Variants in CERS6 observed in about 807,000 individuals in gnomAD.
The protein encoded by CERS6 is ceramide synthase 6.
In CERS6, 26 loss-of-function variants were observed where a neutral mutation model predicts 56.8. That is an observed-to-expected ratio of 0.46 (90% CI 0.34 to 0.63). The LOEUF is 0.63. CERS6 is among the 30% of genes least tolerant of loss of function. The pLI, the probability that CERS6 is intolerant of heterozygous loss-of-function variation, is 0.01. For missense variants in CERS6, 415 were observed against 467.5 expected, an observed-to-expected ratio of 0.89 and a Z score of 1.04; for synonymous variants, 164 against 173.3, an observed-to-expected ratio of 0.95 and a Z score of 0.42.
chr2:168,604,949 T>A (rs1684018868), intron 3 of CERS6, among the ~76,000 whole-genome samples: 2 of 152,316 alleles, frequency 1.3e-5, no homozygotes, highest in African/African-American at 4.8e-5. Context: ...ATATAAAAAA[T>A]ACCTGAAAAT....
intron 6 of CERS6, among the ~76,000 whole-genome samples, chr2:168,703,216 A>T (rs1026051729): frequency 8.5e-5 from 13 of 152,294 alleles, no homozygotes; most frequent in Admixed American, 7.2e-4. Context: ...GGAGACCAAA[A>T]TGTGTGAGAA....
intron 1 of CERS6, among the ~76,000 whole-genome samples, chr2:168,513,314 T>G (rs1417022534): frequency 6.6e-6 from 1 of 152,234 alleles, no homozygotes; most frequent in Non-Finnish European, 1.5e-5. Context: ...ATTAAATGAC[T>G]TTCATACTTT....
intron 4 of CERS6, among the ~76,000 whole-genome samples, chr2:168,689,450 A>G (rs1384278507): frequency 6.6e-6 from 1 of 152,204 alleles, no homozygotes; most frequent in Non-Finnish European, 1.5e-5. Flanking sequence ...GTTAATGGTG[A>G]TGAAAATTTA....
chr2:168,464,669 T>C (rs889221454), intron 1 of CERS6, among the ~76,000 whole-genome samples: 4 of 151,070 alleles, frequency 2.6e-5, no homozygotes, highest in Non-Finnish European at 4.4e-5. Context: ...AATGGGTCTT[T>C]ATGAGGGAAA....
At chr2:168,538,829 C>CT (rs1267843636) in intron 1 of CERS6, among the ~76,000 whole-genome samples, 12 of 152,064 alleles carry the variant, frequency 7.9e-5, no homozygotes, top group African/African-American at 2.9e-4. Flanking sequence ...GGCCTTTCTT[C>CT]TTTGTCTGAC....
intron 1 of CERS6, among the ~76,000 whole-genome samples, chr2:168,520,625 T>TTTTTTTTTTTTTTTTTTTTTTTTTA (rs1694961257): frequency 1.7e-5 from 2 of 120,956 alleles, no homozygotes; most frequent in African/African-American, 3.4e-5. Context: ...TTTTTTTTTT[T>TTTTTTTTTTTTTTTTTTTTTTTTTA]TTGAGAAGCA....
At chr2:168,719,070 C>T (rs191625797) in intron 8 of CERS6, among the ~76,000 whole-genome samples, 2 of 152,278 alleles carry the variant, frequency 1.3e-5, no homozygotes, top group East Asian at 3.9e-4. Context: ...CTTTAAAATT[C>T]CAATGAGCTG....
At chr2:168,624,509 G>A (rs73024559) in intron 3 of CERS6, among the ~76,000 whole-genome samples, 4,477 of 152,084 alleles carry the variant, frequency 0.029, 233 homozygotes, top group African/African-American at 0.1. Flanking sequence ...ACAAAATATA[G>A]GTGAGTTAAT....
intron 3 of CERS6, among the ~76,000 whole-genome samples, chr2:168,625,414 T>C (rs1684568743): frequency 1.3e-5 from 2 of 152,356 alleles, no homozygotes; most frequent in African/African-American, 4.8e-5. Context: ...TGATAAATTA[T>C]TCGATCTATT....
intron 1 of CERS6, among the ~76,000 whole-genome samples, chr2:168,502,012 G>A (rs1694589155): frequency 1.3e-5 from 2 of 152,042 alleles, no homozygotes; most frequent in African/African-American, 4.8e-5. Context: ...CAAGTTGCCA[G>A]ATAGCAAGTG....
At chr2:168,759,976 T>C (rs1684524832) in intron 8 of CERS6, among the ~76,000 whole-genome samples, 1 of 152,002 alleles carries the variant, frequency 6.6e-6, no homozygotes, top group Non-Finnish European at 1.5e-5. Flanking sequence ...ATAATTCCTA[T>C]ATACAATATA....
chr2:168,516,814 G>T (rs1418081691), intron 1 of CERS6, among the ~76,000 whole-genome samples: 3 of 152,054 alleles, frequency 2.0e-5, no homozygotes, highest in African/African-American at 7.2e-5. Context: ...TTGCCTCTTT[G>T]TGTCACAGCA....
intron 8 of CERS6, among the ~76,000 whole-genome samples, chr2:168,734,447 A>G (rs1318365944): frequency 6.6e-6 from 1 of 152,206 alleles, no homozygotes; most frequent in Admixed American, 6.5e-5. Flanking sequence ...AATTTATGCC[A>G]CTATAAATAG....
chr2:168,646,157 A>G (rs1448397836), intron 4 of CERS6, among the ~76,000 whole-genome samples: 3 of 152,194 alleles, frequency 2.0e-5, no homozygotes, highest in Non-Finnish European at 4.4e-5. Flanking sequence ...ACTCCCATCA[A>G]CAGTGTGTAA....
intron 4 of CERS6, among the ~76,000 whole-genome samples, chr2:168,672,225 G>A (rs756012782): frequency 3.3e-5 from 5 of 152,172 alleles, no homozygotes; most frequent in South Asian, 4.1e-4. Context: ...GCTCCAGCTC[G>A]TTTCAACTTC....
intron 6 of CERS6, among the ~76,000 whole-genome samples, chr2:168,707,372 G>A (rs976824957): frequency 3.9e-5 from 6 of 152,256 alleles, no homozygotes; most frequent in South Asian, 2.1e-4. Context: ...ACTGAATTTT[G>A]GAGAAGGGAA....
At chr2:168,760,911 A>G (rs1157829999) in intron 8 of CERS6, among the ~76,000 whole-genome samples, 1 of 151,758 alleles carries the variant, frequency 6.6e-6, no homozygotes, top group East Asian at 1.9e-4. Flanking sequence ...GCCCGCCACC[A>G]CGCCCGGCTA....
intron 3 of CERS6, among the ~76,000 whole-genome samples, chr2:168,586,018 C>G (rs1683533131): frequency 6.6e-6 from 1 of 152,130 alleles, no homozygotes; most frequent in Admixed American, 6.5e-5. Flanking sequence ...GGGTCTTACT[C>G]TGTCACCCCA....
At chr2:168,682,432 C>T (rs534244559) in intron 4 of CERS6, among the ~76,000 whole-genome samples, 3 of 152,046 alleles carry the variant, frequency 2.0e-5, no homozygotes, top group South Asian at 2.1e-4. Flanking sequence ...CTACTTTAAA[C>T]GTAAAGTACA....
Sources: allele counts gnomAD v4.1 joint callset (sites outside exome capture counted in the v4.1 genomes callset), GRCh38; gene constraint gnomAD v4.1.1; transcripts MANE v1.5; gene names NCBI Gene and HGNC (gene_info 2026-07-23, HGNC 2026-07-21).